UVSSA: variants seen among roughly 807,000 people sequenced by gnomAD.
The protein encoded by UVSSA is UV-stimulated scaffold protein A.
Under a neutral mutation model 73.9 loss-of-function variants are expected in UVSSA, and 72 were observed. The observed-to-expected ratio is 0.97, with a 90% CI of 0.81 to 1.19. The LOEUF is 1.19. UVSSA is among the 50% of genes most tolerant of loss of function. The pLI is 0.00. For missense variants in UVSSA, 1,150 were observed against 965.0 expected, an observed-to-expected ratio of 1.19 and a Z score of -2.54; for synonymous variants, 454 against 391.3, an observed-to-expected ratio of 1.16 and a Z score of -1.89.
intron 8 of UVSSA, among the ~76,000 whole-genome samples, chr4:1,371,402 TGGG>T (rs1718022228): frequency 6.6e-6 from 1 of 152,156 alleles, no homozygotes; most frequent in Non-Finnish European, 1.5e-5. Flanking sequence ...TGCTGATTCT[TGGG>T]AGGTGACTGA....
At chr4:1,351,625 G>T in intron 3 of UVSSA, 90 bp from the exon 4 acceptor site, 1 of 1,388,836 alleles carries the variant, frequency 7.2e-7, no homozygotes, top group Non-Finnish European at 9.9e-7. Flanking sequence ...TCCTGACCTC[G>T]TGATCTGCCT....
chr4:1,354,825 C>T lies in UVSSA; in HGVS notation c.1025C>T (p.Pro342Leu), dbSNP rs752359311. The T allele has an allele frequency of 1.4e-5, 22 of 1,611,092 alleles. No individual in the cohort carries two copies. The highest frequency in any genetic ancestry group is 1.6e-4 in the Middle Eastern group (1 of 6,076). The change falls in exon 6 of 14, where the codon CCG becomes CTG. Residue 342 changes from proline to leucine, a missense_variant. Physicochemically the swap from Pro to Leu is moderately conservative, Grantham distance 98. Transcript: ENST00000389851. ...TLKLIRNKFL[P>L]AVCSWIQRFT... is the part of the protein sequence containing the mutation. ...AAGCTCATCCGGAACAAGTTCCTGC[C>T]GGCTGTGTGCTCGTGGATCCAGGTG...
upstream of UVSSA, among the ~76,000 whole-genome samples, chr4:1,344,852 G>C (rs570780237): frequency 2.6e-5 from 4 of 152,290 alleles, no homozygotes; most frequent in Non-Finnish European, 5.9e-5. Context: ...TATTTGCTCA[G>C]GGTGAGACAT....
downstream of UVSSA, chr4:1,388,713 A>G (rs965814675): frequency 3.9e-5 from 6 of 152,234 alleles, no homozygotes; most frequent in South Asian, 4.1e-4. Flanking sequence ...TGTCGAGATG[A>G]TAGTATGATT....
rs1714078156 is a variant in UVSSA at position 1,348,429 on chromosome 4, T to C, written c.98+240T>C. On this transcript the variant is annotated intron_variant, in intron 2 of 13. Coordinates refer to ENST00000389851, the MANE Select transcript of UVSSA (RefSeq NM_020894.4). ...CTTCTCTTCATTCCCATTTGTGTGG[T>C]CTGGAGCACATCCTGTAGGAGTTCT... is the stretch of plus-strand genomic sequence containing the variant. Among the ~76,000 whole-genome samples, 3 of 152,234 alleles carry C rather than the reference T, an allele frequency of 2.0e-5. No individual in the cohort carries two copies. In the South Asian group the frequency reaches 6.2e-4, roughly 31 times the overall value.
intron 8 of UVSSA, among the ~76,000 whole-genome samples, chr4:1,367,462 T>C (rs996422079): frequency 6.6e-6 from 1 of 152,206 alleles, no homozygotes; most frequent in Non-Finnish European, 1.5e-5. Context: ...TGTGAAGATA[T>C]GACCCATTAA....
rs1468529671 is a variant in UVSSA, at chr4:1,394,615, C to T, written c.*8654C>T. 6.0e-6 allele frequency: 9 copies of T among 1,496,766 alleles called. No homozygotes were observed. In the Admixed American group the frequency reaches 7.7e-5, roughly 13 times the overall value. 92.7% of individuals were successfully genotyped at this position (1,496,766 alleles called of 1,614,324 possible). On this transcript the variant is annotated 3_prime_UTR_variant, in exon 14 of 14. Transcript: ENST00000511216. Reference sequence around the variant, plus strand: ...TGTGCCCATGTGGAGTGCCCGCCTGCTCACACATGTCGATGCGGAGTGCCC... The same window carrying T: ...TGTGCCCATGTGGAGTGCCCGCCTGTTCACACATGTCGATGCGGAGTGCCC...
intron 13 of UVSSA, 136 bp downstream of exon 13, chr4:1,384,076 G>A (rs1226906167): frequency 8.6e-7 from 1 of 1,167,940 alleles, no homozygotes; most frequent in Admixed American, 2.9e-5. Flanking sequence ...TTCCCCTGGG[G>A]GACCACCCAG....
rs367978617 is a variant in UVSSA at position 1,355,148 on chromosome 4, G to T, written c.1079G>T (p.Cys360Phe). 1.2e-6 allele frequency: 2 copies of T among 1,613,796 alleles called. No homozygotes were observed. Among genetic ancestry groups the T allele is most frequent in the African/African-American group, 2.7e-5 (2 of 74,936 alleles). ...ACCCGCGTCGGGACCCACGGTGGAT[G>T]TTTAAAGCGTGCCATTGACCTGAAG... ...RFTRVGTHGG[C>F]LKRAIDLKAE... The change falls in exon 7 of 14, where the codon TGT becomes TTT. Residue 360 changes from cysteine (C) to phenylalanine (F), a missense_variant. Cys to Phe is a radical substitution (Grantham distance 205, BLOSUM62 -2). Transcript: ENST00000389851.
chr4:1,392,790 T>A (rs1720436566), downstream of UVSSA: 1 of 152,246 alleles, frequency 6.6e-6, no homozygotes, highest in South Asian at 2.1e-4. Context: ...ACATCTTCTC[T>A]TCACTTATTG....
At chr4:1,392,077 GTTTT>G (rs1276078628), downstream of UVSSA, 1 of 152,068 alleles carries the variant, frequency 6.6e-6, no homozygotes, top group African/African-American at 2.4e-5. Context: ...TTCCTTGTCT[GTTTT>G]ACTGGGTTTT....
At chr4:1,372,250 A>T (rs1560467850) in intron 8 of UVSSA, among the ~76,000 whole-genome samples, 1 of 152,112 alleles carries the variant, frequency 6.6e-6, no homozygotes, top group Admixed American at 6.5e-5. Flanking sequence ...TCCACTCCAG[A>T]GTCTGTCTTT....
intron 10 of UVSSA, among the ~76,000 whole-genome samples, chr4:1,377,488 C>T (rs550651178): frequency 1.1e-4 from 16 of 152,186 alleles, no homozygotes; most frequent in African/African-American, 3.6e-4. Context: ...CCGGAGAGGT[C>T]GGGAAGAAAC....
downstream of UVSSA, chr4:1,388,233 T>C (rs1468539827): frequency 6.6e-6 from 1 of 152,264 alleles, no homozygotes; most frequent in Non-Finnish European, 1.5e-5. Flanking sequence ...AAATTGCATT[T>C]ACAAAAGCAA....
rs1161571199 is a variant in UVSSA, at chr4:1,355,180, T to C, written c.1111T>C (p.Leu371=). The change falls in exon 7 of 14, where the codon TTG becomes CTG. Residue 371 remains leucine, a synonymous_variant. Transcript: ENST00000389851. ...GCGTGCCATTGACCTGAAGGCTGAATTGGAGCTCGTACTGAGAAAATACAA... is the reference window on the plus strand; with the variant it reads ...GCGTGCCATTGACCTGAAGGCTGAACTGGAGCTCGTACTGAGAAAATACAA... ...LKRAIDLKAE[L]ELVLRKYKEL... 1.2e-6 allele frequency: 2 copies of C among 1,613,766 alleles called. No individual in the cohort carries two copies. The highest frequency in any genetic ancestry group is 1.7e-6 in the Non-Finnish European group (2 of 1,179,890).
chr4:1,354,278 G>C (rs1715296295), intron 5 of UVSSA, among the ~76,000 whole-genome samples: 1 of 152,180 alleles, frequency 6.6e-6, no homozygotes. Flanking sequence ...GGGTGCCACA[G>C]CGGGGGAAGC....
chr4:1,343,758 G>A (rs1713512521), upstream of UVSSA, among the ~76,000 whole-genome samples: 1 of 152,032 alleles, frequency 6.6e-6, no homozygotes, highest in Non-Finnish European at 1.5e-5. Flanking sequence ...TTGCACTCCA[G>A]CCTGGGTGAC....
upstream of UVSSA, among the ~76,000 whole-genome samples, chr4:1,346,547 CCTGCTGTG>C (rs1320086718): frequency 6.6e-6 from 1 of 152,110 alleles, no homozygotes. Flanking sequence ...CCCAGGGGTA[CCTGCTGTG>C]CGTCTGGCGC....
chr4:1,368,580 G>T (rs775498313), intron 8 of UVSSA, among the ~76,000 whole-genome samples: 1 of 152,238 alleles, frequency 6.6e-6, no homozygotes, highest in South Asian at 2.1e-4. Flanking sequence ...CAGCCAAGGG[G>T]GCCGAGCGGC....
Sources: allele counts gnomAD v4.1 joint callset (sites outside exome capture counted in the v4.1 genomes callset), GRCh38; gene constraint gnomAD v4.1.1; transcripts MANE v1.5; gene names NCBI Gene and HGNC (gene_info 2026-07-23, HGNC 2026-07-21).